PDE10A: variants seen among roughly 807,000 people sequenced by gnomAD.
PDE10A encodes cAMP and cAMP-inhibited cGMP 3',5'-cyclic phosphodiesterase 10A.
Under a neutral mutation model 97.7 loss-of-function variants are expected in PDE10A, and 39 were observed. The observed-to-expected ratio is 0.40, with a 90% CI of 0.31 to 0.52. The LOEUF (loss-of-function observed/expected upper bound fraction) is 0.52. Ranked by LOEUF, PDE10A falls within the 20% of genes least tolerant of loss-of-function variation. The pLI is 0.56. For synonymous variants in PDE10A, 371 were observed against 376.8 expected (o/e 0.98, Z 0.18); for missense variants, 731 against 1,047.8 (o/e 0.70, Z 4.17).
chr6:165,384,885 A>C (rs1169987721), intron 17 of PDE10A, among the ~76,000 whole-genome samples: 1 of 152,088 alleles, frequency 6.6e-6, no homozygotes, highest in African/African-American at 2.4e-5. Context: ...CTGATGAGGA[A>C]CTATTTCCAA....
chr6:165,725,315 G>T (rs1056945312), intron 1 of PDE10A, among the ~76,000 whole-genome samples: 7 of 152,220 alleles, frequency 4.6e-5, no homozygotes, highest in African/African-American at 1.7e-4. Flanking sequence ...CACTGCAGAT[G>T]GCAAAACAAA....
At chr6:165,509,126 ATTG>A (rs1284563811) in intron 2 of PDE10A, among the ~76,000 whole-genome samples, 1 of 151,784 alleles carries the variant, frequency 6.6e-6, no homozygotes, top group African/African-American at 2.4e-5. Flanking sequence ...TTTATTTTTT[ATTG>A]TTGTCTTTTA....
intron 17 of PDE10A, among the ~76,000 whole-genome samples, chr6:165,383,872 A>G (rs907683834): frequency 6.6e-6 from 1 of 152,166 alleles, no homozygotes; most frequent in Non-Finnish European, 1.5e-5. Context: ...CACTCAAAGA[A>G]TTTTACAGGA....
intron 9 of PDE10A, among the ~76,000 whole-genome samples, chr6:165,429,351 G>A (rs3799175): frequency 6.6e-6 from 1 of 152,076 alleles, no homozygotes; most frequent in East Asian, 1.9e-4. Flanking sequence ...AAAATGTAAA[G>A]AAGGACTCTT....
intron 1 of PDE10A, chr6:165,987,420 G>A: frequency 6.3e-6 from 2 of 318,994 alleles, no homozygotes; most frequent in South Asian, 5.2e-5. Flanking sequence ...AGGGTGGAGG[G>A]AAAGGACAGG....
chr6:165,814,046 T>C lies in PDE10A; in HGVS notation c.-615+173483A>G, dbSNP rs539857530. Among the ~76,000 whole-genome samples the C allele has an allele frequency of 7.2e-5, 11 of 152,250 alleles. No homozygotes were observed. In the East Asian group the frequency reaches 1.2e-3, roughly 16 times the overall value. On this transcript the variant is annotated intron_variant, in intron 1 of 19. Coordinates refer to the PDE10A transcript ENST00000366882. ...ATCAACTGTCATTTCTAGAGTAGGG[T>C]GGATGAAGCAAACAGATTTGAGTTG...
intron 1 of PDE10A, among the ~76,000 whole-genome samples, chr6:165,758,733 GAGA>G (rs922796232): frequency 3.3e-5 from 5 of 151,714 alleles, no homozygotes; most frequent in South Asian, 2.1e-4. Flanking sequence ...GGAGGAGGAG[GAGA>G]AGAAGGAGAG....
intron 1 of PDE10A, among the ~76,000 whole-genome samples, chr6:165,623,506 G>GAA (rs113415096): frequency 0.086 from 12,472 of 145,674 alleles, 1,720 homozygotes; most frequent in African/African-American, 0.3. Flanking sequence ...GAGAGAGAGA[G>GAA]AGAAAAAAAA....
chr6:165,720,105 A>G (rs1215305452), intron 1 of PDE10A, among the ~76,000 whole-genome samples: 1 of 152,244 alleles, frequency 6.6e-6, no homozygotes, highest in Non-Finnish European at 1.5e-5. Context: ...TGTATTATCT[A>G]GGAAAAAGAA....
chr6:165,652,350 G>A (rs111853841), intron 1 of PDE10A, among the ~76,000 whole-genome samples: 5 of 151,386 alleles, frequency 3.3e-5, no homozygotes, highest in East Asian at 1.9e-4. Flanking sequence ...TCAACCTCCC[G>A]GGCTATTTTT....
chr6:165,915,307 C>T lies in PDE10A; in HGVS notation c.-615+72222G>A, dbSNP rs117726849. Among the ~76,000 whole-genome samples, 159 of 152,098 alleles carry T rather than the reference C, an allele frequency of 1.0e-3. 3 individuals are homozygous for T. The East Asian group carries it at 0.027, about 26-fold the overall frequency. On this transcript the variant is annotated intron_variant, in intron 1 of 19. Transcript: ENST00000366882. The stretch of plus-strand genomic sequence containing the variant: ...CAAGGTCCCTTTCCTCAAATTGTAA[C>T]GATTTTTAAAAAATTGAACAAGTAA...
At chr6:165,593,158 A>G (rs1786382085) in intron 1 of PDE10A, among the ~76,000 whole-genome samples, 1 of 152,220 alleles carries the variant, frequency 6.6e-6, no homozygotes, top group African/African-American at 2.4e-5. Flanking sequence ...AGGGACATGG[A>G]TGAAACTGGA....
chr6:165,500,550 A>T (rs1056976037), intron 2 of PDE10A, among the ~76,000 whole-genome samples: 1 of 152,162 alleles, frequency 6.6e-6, no homozygotes, highest in South Asian at 2.1e-4. Flanking sequence ...AACCTCAAGT[A>T]CCCAGGGACA....
At chr6:165,822,935 C>T (rs1196206684) in intron 1 of PDE10A, among the ~76,000 whole-genome samples, 4 of 152,022 alleles carry the variant, frequency 2.6e-5, no homozygotes, top group Admixed American at 6.6e-5. Context: ...CCCAGGTTCA[C>T]GCCATTTTCC....
intron 1 of PDE10A, among the ~76,000 whole-genome samples, chr6:165,811,375 G>A (rs143034648): frequency 7.4e-4 from 112 of 152,306 alleles, no homozygotes; most frequent in African/African-American, 2.6e-3. Flanking sequence ...TGCAGGCCAC[G>A]CTAGCCTCTG....
At chr6:165,631,083 AAATG>A (rs1788607667) in intron 1 of PDE10A, among the ~76,000 whole-genome samples, 1 of 152,238 alleles carries the variant, frequency 6.6e-6, no homozygotes, top group African/African-American at 2.4e-5. Context: ...TCTTTTCATA[AAATG>A]AAGAAATGTC....
intron 2 of PDE10A, among the ~76,000 whole-genome samples, chr6:165,529,542 C>T (rs999275924): frequency 2.0e-5 from 3 of 152,172 alleles, no homozygotes; most frequent in African/African-American, 4.8e-5. Flanking sequence ...ATACCAGCTA[C>T]GACCACATGA....
intron 1 of PDE10A, among the ~76,000 whole-genome samples, chr6:165,846,014 T>C: frequency 6.6e-6 from 1 of 151,998 alleles, no homozygotes; most frequent in East Asian, 1.9e-4. Flanking sequence ...ATTTGGGGAG[T>C]AGGCATGGGG....
intron 1 of PDE10A, among the ~76,000 whole-genome samples, chr6:165,656,334 T>C (rs1226626497): frequency 2.0e-5 from 3 of 147,744 alleles, no homozygotes; most frequent in African/African-American, 7.5e-5. Flanking sequence ...AGATGTCTCC[T>C]GCCTTATCCA....
Sources: gnomAD v4.1 joint callset for allele counts (sites outside exome capture counted in the v4.1 genomes callset) on GRCh38, gnomAD v4.1.1 for gene constraint, MANE v1.5 for transcripts, NCBI Gene and HGNC (gene_info 2026-07-23, HGNC 2026-07-21) for gene names.